Variants in SLC7A14 observed in about 807,000 individuals in gnomAD.
SLC7A14 encodes the protein solute carrier family 7 member 14.
In SLC7A14, 37 loss-of-function variants were observed where a neutral mutation model predicts 60.2. That is an observed-to-expected ratio of 0.61 (90% CI 0.47 to 0.81). The LOEUF is 0.81. SLC7A14 is among the 30% of genes least tolerant of loss of function. The probability of loss-of-function intolerance (pLI) is 0.00; values close to 1 mark genes in which losing one functional copy is unlikely to be tolerated. For synonymous variants in SLC7A14, 399 were observed against 395.8 expected, an observed-to-expected ratio of 1.01 and a Z score of -0.10; for missense variants, 886 against 982.7, an observed-to-expected ratio of 0.90 and a Z score of 1.32.
At chr3:170,533,973 C>G (rs1424896580) in intron 1 of SLC7A14, among the ~76,000 whole-genome samples, 1 of 152,180 alleles carries the variant, frequency 6.6e-6, no homozygotes, top group East Asian at 1.9e-4. Flanking sequence ...TTAAAGGGGA[C>G]TATGAATCTA....
At chr3:170,470,324 G>GTGTGTGTGTGTGTA in intron 7 of SLC7A14, among the ~76,000 whole-genome samples, 1 of 151,764 alleles carries the variant, frequency 6.6e-6, no homozygotes, top group South Asian at 2.1e-4. Flanking sequence ...GTGTGTGTGT[G>GTGTGTGTGTGTGTA]TGTGTGTGTG....
intron 2 of SLC7A14, among the ~76,000 whole-genome samples, chr3:170,516,885 C>T (rs2108289019): frequency 6.6e-6 from 1 of 152,286 alleles, no homozygotes; most frequent in East Asian, 1.9e-4. Context: ...CACTGACCAC[C>T]CTGTGGCTCT....
At chr3:170,558,199 C>T (rs990498982) in intron 1 of SLC7A14, among the ~76,000 whole-genome samples, 5 of 152,070 alleles carry the variant, frequency 3.3e-5, no homozygotes, top group African/African-American at 1.2e-4. Flanking sequence ...GAAATTCCAT[C>T]TCTACTAAAA....
At chr3:170,534,498 A>T (rs1375810581) in intron 1 of SLC7A14, among the ~76,000 whole-genome samples, 2 of 152,162 alleles carry the variant, frequency 1.3e-5, no homozygotes, top group Non-Finnish European at 2.9e-5. Context: ...AGGAGGATGT[A>T]AACAGTTTTG....
chr3:170,555,520 G>A lies in SLC7A14; in HGVS notation c.-152-28432C>T, dbSNP rs116697239. Among the ~76,000 whole-genome samples, 625 of 152,260 alleles carry A rather than the reference G, an allele frequency of 4.1e-3. 5 individuals carry two copies. The highest frequency in any genetic ancestry group is 0.015 in the African/African-American group (603 of 41,568). ...ATAATGATGGGGCTATGCTTGAGAA[G>A]GACTTCCCTAGGCAATTTCATCACT... On this transcript the variant is annotated intron_variant, in intron 1 of 7. Transcript: ENST00000231706.
chr3:170,490,747 G>A (rs1577508256), intron 4 of SLC7A14, among the ~76,000 whole-genome samples: 2 of 152,308 alleles, frequency 1.3e-5, no homozygotes, highest in Non-Finnish European at 1.5e-5. Flanking sequence ...CCACATATTA[G>A]CTTGGTGACC....
At chr3:170,486,120 A>G (rs1403822165) in intron 5 of SLC7A14, 102 bp downstream of exon 5, 3 of 1,440,002 alleles carry the variant, frequency 2.1e-6, no homozygotes, top group Non-Finnish European at 2.8e-6. Flanking sequence ...GACAAAAGAC[A>G]GACACCAAGA....
chr3:170,574,512 G>A (rs1715034585), intron 1 of SLC7A14, among the ~76,000 whole-genome samples: 1 of 152,198 alleles, frequency 6.6e-6, no homozygotes. Flanking sequence ...GGGAGCCATG[G>A]ACTCTGCCCT....
intron 2 of SLC7A14, among the ~76,000 whole-genome samples, chr3:170,513,484 A>C (rs940065468): frequency 1.3e-5 from 2 of 152,244 alleles, no homozygotes; most frequent in Non-Finnish European, 2.9e-5. Flanking sequence ...TAAGGTCTAC[A>C]GATATATTTG....
At chr3:170,567,410 G>A (rs1256785854) in intron 1 of SLC7A14, among the ~76,000 whole-genome samples, 1 of 150,560 alleles carries the variant, frequency 6.6e-6, no homozygotes, top group East Asian at 2.0e-4. Context: ...GTCTATCATT[G>A]TTGGACATTT....
chr3:170,583,061 T>C (rs770035181), intron 1 of SLC7A14, among the ~76,000 whole-genome samples: 6 of 152,220 alleles, frequency 3.9e-5, no homozygotes, highest in Non-Finnish European at 8.8e-5. Context: ...CTTATAATGA[T>C]CTTTATTTAT....
At chr3:170,497,087 C>CAAAA (rs548290941) in intron 4 of SLC7A14, among the ~76,000 whole-genome samples, 276 of 92,446 alleles carry the variant, frequency 3.0e-3, no homozygotes, top group Non-Finnish European at 4.2e-3. Context: ...TTATTTTGTC[C>CAAAA]AAAAAAAAAA....
At chr3:170,467,902 C>G (rs1196032522) in intron 7 of SLC7A14, among the ~76,000 whole-genome samples, 1 of 152,236 alleles carries the variant, frequency 6.6e-6, no homozygotes, top group Non-Finnish European at 1.5e-5. Flanking sequence ...CACCTCTTAG[C>G]AGCATGCATA....
At chr3:170,475,299 T>C (rs886558368) in intron 7 of SLC7A14, among the ~76,000 whole-genome samples, 2 of 152,192 alleles carry the variant, frequency 1.3e-5, no homozygotes, top group African/African-American at 4.8e-5. Flanking sequence ...AAAAAATGTG[T>C]CTTAAGAAGT....
At chr3:170,568,151 T>G (rs1403980278) in intron 1 of SLC7A14, among the ~76,000 whole-genome samples, 8 of 152,266 alleles carry the variant, frequency 5.3e-5, no homozygotes, top group South Asian at 2.1e-4. Context: ...GGTCTAACAT[T>G]TAAGTCTTTA....
chr3:170,481,251 A>C (rs970180328), intron 6 of SLC7A14, 85 bp from the exon 7 acceptor site: 1 of 1,414,476 alleles, frequency 7.1e-7, no homozygotes. Context: ...TAGAACTATC[A>C]ATAGGCTGGT....
At chr3:170,488,886 T>A (rs1712124539) in intron 4 of SLC7A14, among the ~76,000 whole-genome samples, 2 of 151,814 alleles carry the variant, frequency 1.3e-5, no homozygotes, top group South Asian at 4.2e-4. Context: ...AGCGGGGTTA[T>A]AAATAAATCA....
At position 170,480,699 on chromosome 3, in the gene SLC7A14, A is replaced by G; in HGVS notation, c.1583T>C (p.Ile528Thr). 1 of 1,614,212 alleles carries G rather than the reference A, an allele frequency of 6.2e-7. No homozygotes were observed. The highest frequency in any genetic ancestry group is 8.5e-7 in the Non-Finnish European group (1 of 1,180,040). ...TGIEADESEN[I>T]YLIKLKKLIG... ...CAGCTTCTTTAACTTGATGAGATAA[A>G]TATTTTCGGATTCATCAGCTTCTAT... The change falls in exon 7 of 8, where the codon ATT (isoleucine) becomes ACT (threonine). Residue 528 changes from isoleucine (I) to threonine (T), a missense_variant. By Grantham distance (89) the Ile-to-Thr change is moderately conservative (BLOSUM62 -1). Coordinates refer to ENST00000231706, the MANE Select transcript of SLC7A14 (RefSeq NM_020949.3).
At chr3:170,552,875 C>A (rs1248027029) in intron 1 of SLC7A14, among the ~76,000 whole-genome samples, 5 of 152,202 alleles carry the variant, frequency 3.3e-5, no homozygotes, top group Non-Finnish European at 7.3e-5. Flanking sequence ...CTCAACATGA[C>A]TTATCAGCTT....
Sources: allele counts gnomAD v4.1 joint callset (sites outside exome capture counted in the v4.1 genomes callset), GRCh38; gene constraint gnomAD v4.1.1; transcripts MANE v1.5; gene names NCBI Gene and HGNC (gene_info 2026-07-23, HGNC 2026-07-21).